Variants in SPINK5 observed in about 807,000 individuals in gnomAD.
SPINK5 encodes the protein serine peptidase inhibitor Kazal type 5.
SPINK5 carries 125 observed loss-of-function variants against 151.8 expected under a neutral mutation model. That is an observed-to-expected ratio of 0.82 (90% CI 0.71 to 0.96). The LOEUF (loss-of-function observed/expected upper bound fraction) is 0.96, where lower values mean the gene tolerates loss of function less well. Among genes scored for constraint, SPINK5 ranks in the 40% least tolerant of loss-of-function variants. SPINK5 has a pLI of 0.00. For synonymous variants in SPINK5, 374 were observed against 395.3 expected (o/e 0.95, Z 0.64); for missense variants, 1,194 against 1,291.9 (o/e 0.92, Z 1.16).
intron 3 of SPINK5, 91 bp from the exon 4 acceptor site, chr5:148,072,057 A>G: frequency 8.3e-7 from 1 of 1,200,842 alleles, no homozygotes; most frequent in Non-Finnish European, 1.2e-6. Flanking sequence ...GGCTGAGGAG[A>G]GCAGTTAAAA....
chr5:148,110,667 G>A (rs906896797), intron 18 of SPINK5, among the ~76,000 whole-genome samples: 9 of 151,894 alleles, frequency 5.9e-5, no homozygotes, highest in Non-Finnish European at 1.0e-4. Context: ...ACTTCTCATT[G>A]TTCAACTCCC....
chr5:148,065,258 A>C (rs1264134418), intron 1 of SPINK5, 89 bp from the exon 2 acceptor site: 14 of 1,386,398 alleles, frequency 1.0e-5, no homozygotes, highest in Non-Finnish European at 1.1e-5. Flanking sequence ...TCATTAAAGC[A>C]ATCAAGATGC....
At position 148,070,436 on chromosome 5, in the gene SPINK5, G is replaced by A. The variant is rs370397387; in HGVS notation, c.195G>A (p.Thr65=). The change falls in exon 3 of 33, where the codon ACG becomes ACA. Residue 65 remains threonine (T), a synonymous_variant. Coordinates refer to ENST00000256084, the MANE Select transcript of SPINK5 (RefSeq NM_006846.4). The part of the protein sequence containing the change: ...DGIMFINKCA[T]CKMILEKEAK... The stretch of plus-strand genomic sequence containing the variant: ...TAATGTTCATCAATAAATGTGCCAC[G>A]TGCAAAATGATACTGTGAGTAAAGG... 23 of 1,612,334 alleles carry A rather than the reference G, an allele frequency of 1.4e-5. No individual in the cohort carries two copies. The highest frequency in any genetic ancestry group is 1.7e-5 in the Admixed American group (1 of 59,840).
intron 21 of SPINK5, 127 bp downstream of exon 21, chr5:148,114,616 C>A: frequency 1.5e-6 from 2 of 1,359,382 alleles, no homozygotes; most frequent in South Asian, 1.2e-5. Flanking sequence ...ATCTGTAAAG[C>A]ATTTGAAATA....
At chr5:148,066,720 T>C (rs892700278) in intron 2 of SPINK5, among the ~76,000 whole-genome samples, 8 of 152,172 alleles carry the variant, frequency 5.3e-5, no homozygotes, top group African/African-American at 1.9e-4. Context: ...ATAAATATCA[T>C]TGTGTATAAA....
intron 32 of SPINK5, 127 bp downstream of exon 32, chr5:148,134,014 A>G: frequency 1.1e-6 from 1 of 870,822 alleles, no homozygotes; most frequent in Non-Finnish European, 1.9e-6. Flanking sequence ...CAGGTGACCC[A>G]GAATTGGTCA....
intron 30 of SPINK5, among the ~76,000 whole-genome samples, chr5:148,128,744 C>A (rs1055654212): frequency 1.3e-5 from 2 of 152,022 alleles, no homozygotes; most frequent in Non-Finnish European, 2.9e-5. Context: ...AGGATGGTCT[C>A]GATCTCCTGA....
At chr5:148,069,471 G>GAGAGAGAGAAAGAGAGAGAA (rs199650759) in intron 2 of SPINK5, among the ~76,000 whole-genome samples, 1 of 149,464 alleles carries the variant, frequency 6.7e-6, no homozygotes, top group South Asian at 2.1e-4. Context: ...AATTACCAGA[G>GAGAGAGAGAAAGAGAGAGAA]AGAGAGAGAA....
chr5:148,113,039 G>T, intron 20 of SPINK5, 105 bp downstream of exon 20: 2 of 1,544,252 alleles, frequency 1.3e-6, no homozygotes, highest in South Asian at 1.2e-5. Flanking sequence ...AGGGAACTAG[G>T]GGTTCATTTA....
At chr5:148,136,843 A>G in intron 32 of SPINK5, 140 bp from the exon 33 acceptor site, 1 of 1,113,094 alleles carries the variant, frequency 9.0e-7, no homozygotes. Flanking sequence ...TAAAATGTGA[A>G]AGTGATTTTA....
chr5:148,116,279 A>T, intron 21 of SPINK5, 91 bp from the exon 22 acceptor site: 1 of 1,268,654 alleles, frequency 7.9e-7, no homozygotes, highest in Non-Finnish European at 1.1e-6. Context: ...TTCTGTACAT[A>T]TGTGATTTGT....
chr5:148,110,502 C>A (rs1753896226), intron 18 of SPINK5, among the ~76,000 whole-genome samples: 1 of 152,078 alleles, frequency 6.6e-6, no homozygotes, highest in African/African-American at 2.4e-5. Flanking sequence ...ACTTGTTATG[C>A]CAACAATTTA....
chr5:148,115,222 GAGA>G (rs1439194308), intron 21 of SPINK5, among the ~76,000 whole-genome samples: 3 of 152,256 alleles, frequency 2.0e-5, no homozygotes, highest in Non-Finnish European at 4.4e-5. Context: ...GTAATGAGAG[GAGA>G]AGAAGGGAAC....
At chr5:148,110,643 T>C (rs932834359) in intron 18 of SPINK5, among the ~76,000 whole-genome samples, 5 of 152,116 alleles carry the variant, frequency 3.3e-5, no homozygotes, top group Non-Finnish European at 5.9e-5. Flanking sequence ...CTTTAGTGGC[T>C]TAAAACAACA....
chr5:148,102,611 C>T (rs1283246693), intron 15 of SPINK5, among the ~76,000 whole-genome samples: 2 of 152,090 alleles, frequency 1.3e-5, no homozygotes, highest in African/African-American at 4.8e-5. Context: ...GAAGAGAATA[C>T]TTCATGATAA....
intron 14 of SPINK5, 91 bp downstream of exon 14, chr5:148,101,527 A>G (rs1561689450): frequency 1.7e-6 from 2 of 1,143,778 alleles, no homozygotes; most frequent in East Asian, 4.8e-5. Context: ...TTAAAACTGT[A>G]TGAAACAATT....
At chr5:148,112,237 T>C (rs1202428081) in intron 19 of SPINK5, among the ~76,000 whole-genome samples, 1 of 152,198 alleles carries the variant, frequency 6.6e-6, no homozygotes, top group Non-Finnish European at 1.5e-5. Context: ...TGCTAATAAA[T>C]TGAAAATGAG....
chr5:148,133,765 T>A (rs1754629205), intron 31 of SPINK5, 32 bp from the exon 32 acceptor site: 1 of 1,608,192 alleles, frequency 6.2e-7, no homozygotes, highest in Non-Finnish European at 8.5e-7. Flanking sequence ...GAGAACTTCC[T>A]CGTTGTTGAA....
intron 21 of SPINK5, among the ~76,000 whole-genome samples, chr5:148,114,915 C>T (rs1754045975): frequency 6.6e-6 from 1 of 152,274 alleles, no homozygotes; most frequent in East Asian, 1.9e-4. Flanking sequence ...TTTGGAAGTA[C>T]ACCTAGAATA....
Sources: gnomAD v4.1 joint callset for allele counts (sites outside exome capture counted in the v4.1 genomes callset) on GRCh38, gnomAD v4.1.1 for gene constraint, MANE v1.5 for transcripts, NCBI Gene and HGNC (gene_info 2026-07-23, HGNC 2026-07-21) for gene names.